The following RUNX2 variants were observed in gnomAD, a reference collection of about 807,000 sequenced individuals.
RUNX2 encodes the protein RUNX family transcription factor 2.
A neutral mutation model predicts 51.7 loss-of-function variants in RUNX2; 10 were observed. The observed-to-expected ratio is 0.19, with a 90% CI of 0.12 to 0.33. The LOEUF is 0.33. Among genes scored for constraint, RUNX2 ranks in the 10% least tolerant of loss-of-function variants. The pLI is 1.00. For synonymous variants in RUNX2, 276 were observed against 273.6 expected (o/e 1.01, Z -0.09); for missense variants, 562 against 691.3 (o/e 0.81, Z 2.10).
intron 2 of RUNX2, among the ~76,000 whole-genome samples, chr6:45,381,295 ATG>A (rs1797236056): frequency 6.6e-6 from 1 of 152,250 alleles, no homozygotes; most frequent in Non-Finnish European, 1.5e-5. Context: ...ATAGAACCAA[ATG>A]AACTAAAACC....
chr6:45,473,347 TGTGTATGTGCGC>T (rs1799861508), intron 5 of RUNX2, among the ~76,000 whole-genome samples: 1 of 151,658 alleles, frequency 6.6e-6, no homozygotes, highest in African/African-American at 2.4e-5. Flanking sequence ...TTCCAGTTCG[TGTGTATGTGCGC>T]GTGTATGTGT....
intron 5 of RUNX2, among the ~76,000 whole-genome samples, chr6:45,478,059 G>T (rs1204947183): frequency 3.3e-5 from 5 of 152,044 alleles, no homozygotes; most frequent in Admixed American, 2.6e-4. Context: ...TTCTGCATTT[G>T]CTTGACTAAA....
At chr6:45,466,135 G>A (rs1210560665) in intron 5 of RUNX2, among the ~76,000 whole-genome samples, 1 of 151,916 alleles carries the variant, frequency 6.6e-6, no homozygotes, top group African/African-American at 2.4e-5. Flanking sequence ...CCAACATGGT[G>A]AAATCCTATC....
At chr6:45,472,550 G>A (rs922965775) in intron 5 of RUNX2, among the ~76,000 whole-genome samples, 26 of 152,150 alleles carry the variant, frequency 1.7e-4, no homozygotes, top group Non-Finnish European at 5.9e-5. Context: ...AGCAGCATCC[G>A]TCTGTTTCTT....
intron 3 of RUNX2, among the ~76,000 whole-genome samples, chr6:45,431,251 T>C (rs1264716561): frequency 6.6e-6 from 1 of 152,194 alleles, no homozygotes; most frequent in Non-Finnish European, 1.5e-5. Flanking sequence ...AGTTTCTTGA[T>C]GACTTTGGAT....
At chr6:45,450,053 T>C (rs1157624395) in intron 5 of RUNX2, among the ~76,000 whole-genome samples, 1 of 152,174 alleles carries the variant, frequency 6.6e-6, no homozygotes, top group Non-Finnish European at 1.5e-5. Flanking sequence ...TAACAGAAGT[T>C]GGGGAAATAA....
intron 5 of RUNX2, among the ~76,000 whole-genome samples, chr6:45,445,926 T>C (rs991189728): frequency 6.6e-6 from 1 of 152,150 alleles, no homozygotes; most frequent in Admixed American, 6.5e-5. Flanking sequence ...CAGTCCTTTT[T>C]TTTTGTTGAC....
At position 45,548,834 on chromosome 6, in the gene RUNX2, T is replaced by C; in HGVS notation, c.*1529T>C. ...ACAACACAACAGGGGAACCCCAATC[T>C]GCCTTACCCAAGGCCCCACTGGCAG... On this transcript the variant is annotated 3_prime_UTR_variant, in exon 9 of 9. Coordinates refer to ENST00000647337, the MANE Select transcript of RUNX2 (RefSeq NM_001024630.4). 1 of 261,204 alleles carries C rather than the reference T, an allele frequency of 3.8e-6. No individual in the cohort carries two copies. The highest frequency in any genetic ancestry group is 5.5e-5 in the Admixed American group (1 of 18,244). 16.2% of individuals were successfully genotyped at this position (261,204 alleles called of 1,614,324 possible).
chr6:45,407,365 C>T (rs1797859339), intron 2 of RUNX2, among the ~76,000 whole-genome samples: 1 of 152,022 alleles, frequency 6.6e-6, no homozygotes, highest in Non-Finnish European at 1.5e-5. Flanking sequence ...ATATGTAATG[C>T]AGGGGAAATA....
At chr6:45,387,063 G>A (rs1797364323) in intron 2 of RUNX2, among the ~76,000 whole-genome samples, 1 of 152,164 alleles carries the variant, frequency 6.6e-6, no homozygotes, top group African/African-American at 2.4e-5. Flanking sequence ...ATAGAAGATG[G>A]CAGGAGAAAT....
intron 3 of RUNX2, among the ~76,000 whole-genome samples, chr6:45,424,239 T>C (rs1798322897): frequency 6.6e-6 from 1 of 152,186 alleles, no homozygotes. Flanking sequence ...AGTAGCCCGA[T>C]GGCTCTCCAT....
chr6:45,503,751 T>C (rs1315681056), intron 6 of RUNX2, among the ~76,000 whole-genome samples: 1 of 152,368 alleles, frequency 6.6e-6, no homozygotes, highest in Middle Eastern at 3.4e-3. Context: ...TGTCCTTTTC[T>C]GTAAGACAGT....
At chr6:45,482,365 A>G (rs1314508070) in intron 5 of RUNX2, among the ~76,000 whole-genome samples, 1 of 152,262 alleles carries the variant, frequency 6.6e-6, no homozygotes, top group Non-Finnish European at 1.5e-5. Context: ...GTAGCCTGAT[A>G]ACTGTCCTTT....
intron 1 of RUNX2, 73 bp from the exon 2 acceptor site, chr6:45,328,588 T>C (rs942535468): frequency 6.3e-7 from 1 of 1,583,198 alleles, no homozygotes; most frequent in South Asian, 1.2e-5. Context: ...CAGAAAAAAA[T>C]AAATATAAAG....
At chr6:45,375,091 C>CAGCT (rs1179482179) in intron 2 of RUNX2, among the ~76,000 whole-genome samples, 1 of 152,144 alleles carries the variant, frequency 6.6e-6, no homozygotes, top group African/African-American at 2.4e-5. Context: ...CCTGTAATCC[C>CAGCT]AGCTACTCGG....
intron 3 of RUNX2, among the ~76,000 whole-genome samples, chr6:45,424,675 G>A (rs1261404317): frequency 6.6e-6 from 1 of 152,152 alleles, no homozygotes; most frequent in Non-Finnish European, 1.5e-5. Flanking sequence ...TTCCGTGTGT[G>A]GGTGGGATGG....
chr6:45,357,302 C>T (rs112908827), intron 2 of RUNX2, among the ~76,000 whole-genome samples: 4,475 of 152,104 alleles, frequency 0.029, 92 homozygotes, highest in Non-Finnish European at 0.047. Context: ...CCACTGTGCC[C>T]GGTCAAGAAT....
rs1218682510 is a variant in RUNX2 at position 45,547,295 on chromosome 6, G to A, written c.1556G>A (p.Arg519Gln). The part of the protein sequence containing the change: ...SSGRMDESVW[R>Q]PY ...GGCAGAATGGATGAATCTGTTTGGC[G>A]ACCATATTGAAATTCCTCAGCAGTG... The change falls in exon 9 of 9, where the codon CGA becomes CAA. Residue 519 changes from arginine to glutamine, a missense_variant. By Grantham distance (43) the Arg-to-Gln change is conservative (BLOSUM62 1). This residue lies in a region of RUNX2 where 304 missense variants were observed against 353.2 expected (regional missense o/e 0.86). Transcript: ENST00000647337. The A allele has an allele frequency of 1.2e-6, 2 of 1,613,734 alleles. No individual in the cohort carries two copies. The highest frequency in any genetic ancestry group is 1.3e-5 in the African/African-American group (1 of 74,896).
intron 5 of RUNX2, among the ~76,000 whole-genome samples, chr6:45,485,402 A>G (rs1202965651): frequency 3.3e-5 from 5 of 151,414 alleles, no homozygotes; most frequent in Admixed American, 2.6e-4. Flanking sequence ...GGGTTTCTCA[A>G]TGTTGGTCAG....
Sources: gnomAD v4.1 joint callset for allele counts (sites outside exome capture counted in the v4.1 genomes callset) on GRCh38, gnomAD v4.1.1 for gene constraint, gnomAD v4.1.1 regional missense constraint, MANE v1.5 for transcripts, NCBI Gene and HGNC (gene_info 2026-07-23, HGNC 2026-07-21) for gene names.